Variants in SBF2 observed in about 807,000 individuals in gnomAD.
The protein encoded by SBF2 is SET binding factor 2, also known as myotubularin-related protein 13.
SBF2 carries 112 observed loss-of-function variants against 225.2 expected under a neutral mutation model. The ratio of observed to expected loss-of-function variants is 0.50; its 90% CI spans 0.43 to 0.58. The LOEUF is 0.58. Among genes scored for constraint, SBF2 ranks in the 20% least tolerant of loss-of-function variants. The probability of loss-of-function intolerance (pLI) is 0.00; values close to 1 mark genes in which losing one functional copy is unlikely to be tolerated. For missense variants in SBF2, 1,996 were observed against 2,206.2 expected, an observed-to-expected ratio of 0.90 and a Z score of 1.91; for synonymous variants, 763 against 773.3, an observed-to-expected ratio of 0.99 and a Z score of 0.22.
intron 29 of SBF2, among the ~76,000 whole-genome samples, chr11:9,813,746 A>G (rs560800204): frequency 1.3e-4 from 20 of 152,310 alleles, no homozygotes; most frequent in Admixed American, 3.3e-4. Flanking sequence ...GTTCAAGACC[A>G]GCCTGGCCAA....
intron 13 of SBF2, among the ~76,000 whole-genome samples, chr11:9,986,459 C>CA (rs966881912): frequency 9.3e-5 from 14 of 149,840 alleles, no homozygotes; most frequent in South Asian, 8.4e-4. Context: ...GAAATTGAAA[C>CA]AAAAAAAAAT....
intron 6 of SBF2, among the ~76,000 whole-genome samples, chr11:10,020,269 C>T (rs1948799900): frequency 6.6e-6 from 1 of 152,030 alleles, no homozygotes; most frequent in Admixed American, 6.6e-5. Context: ...TGCTATATGA[C>T]CTTCCTCTAG....
intron 5 of SBF2, among the ~76,000 whole-genome samples, chr11:10,028,830 A>G (rs894983533): frequency 6.6e-6 from 1 of 152,218 alleles, no homozygotes; most frequent in Non-Finnish European, 1.5e-5. Context: ...ATGAAATGTT[A>G]AAGTCAACAA....
intron 2 of SBF2, among the ~76,000 whole-genome samples, chr11:10,066,663 C>T (rs1422922171): frequency 6.6e-6 from 1 of 152,144 alleles, no homozygotes; most frequent in African/African-American, 2.4e-5. Context: ...CAGCTAACAT[C>T]ATACTTAATG....
intron 32 of SBF2, among the ~76,000 whole-genome samples, chr11:9,799,719 C>T (rs1853369204): frequency 6.6e-6 from 1 of 152,124 alleles, no homozygotes. Flanking sequence ...TCTTACGGTG[C>T]TTAGATTTCT....
At chr11:10,280,157 A>AGTTTCAGACTTCAGAGT (rs1555106826) in intron 1 of SBF2, among the ~76,000 whole-genome samples, 12 of 151,474 alleles carry the variant, frequency 7.9e-5, no homozygotes, top group Non-Finnish European at 1.5e-4. Context: ...GTGCTCAAAA[A>AGTTTCAGACTTCAGAGT]GTTTCAGATT....
intron 1 of SBF2, among the ~76,000 whole-genome samples, chr11:10,235,419 G>A (rs953852510): frequency 4.6e-5 from 7 of 151,734 alleles, no homozygotes; most frequent in African/African-American, 1.7e-4. Context: ...CCTAGCTACT[G>A]AAGAGGCTGA....
chr11:9,855,113 A>G (rs1160275779), intron 19 of SBF2, among the ~76,000 whole-genome samples: 1 of 152,236 alleles, frequency 6.6e-6, no homozygotes, highest in East Asian at 1.9e-4. Context: ...AAAGAAGAAT[A>G]AAAAATGAAA....
chr11:9,890,419 T>C (rs138235118), intron 17 of SBF2, among the ~76,000 whole-genome samples: 1 of 152,258 alleles, frequency 6.6e-6, no homozygotes, highest in East Asian at 1.9e-4. Context: ...AATTTTTAAA[T>C]GTTGAATGGA....
intron 16 of SBF2, among the ~76,000 whole-genome samples, chr11:9,937,414 T>A (rs1226905761): frequency 6.6e-6 from 1 of 152,118 alleles, no homozygotes; most frequent in East Asian, 1.9e-4. Flanking sequence ...GAAAAGCAAT[T>A]GAAAAATATT....
At chr11:9,865,376 C>T (rs77576674) in intron 17 of SBF2, among the ~76,000 whole-genome samples, 10,697 of 151,892 alleles carry the variant, frequency 0.07, 584 homozygotes, top group East Asian at 0.28. Context: ...GAGATAAGTA[C>T]CATTATTTCT....
chr11:10,131,267 C>T (rs762725852), intron 2 of SBF2, among the ~76,000 whole-genome samples: 1 of 151,780 alleles, frequency 6.6e-6, no homozygotes, highest in Non-Finnish European at 1.5e-5. Context: ...GCTCTGTTGC[C>T]CAGGCTGGAG....
chr11:9,857,931 G>A (rs1857436605), intron 18 of SBF2, among the ~76,000 whole-genome samples: 1 of 152,046 alleles, frequency 6.6e-6, no homozygotes, highest in African/African-American at 2.4e-5. Flanking sequence ...AGAGAAGTAT[G>A]CCTGTTATTT....
At chr11:10,035,331 T>C (rs1198481319) in intron 3 of SBF2, among the ~76,000 whole-genome samples, 2 of 152,006 alleles carry the variant, frequency 1.3e-5, no homozygotes, top group Non-Finnish European at 2.9e-5. Context: ...ACCTAGCCAA[T>C]ACCATTCAAG....
chr11:10,185,181 C>T (rs1311862703), intron 2 of SBF2, among the ~76,000 whole-genome samples: 1 of 152,058 alleles, frequency 6.6e-6, no homozygotes. Flanking sequence ...TATGGACATT[C>T]AGGTTGCTTC....
At chr11:9,840,454 GA>G (rs923099043) in intron 25 of SBF2, among the ~76,000 whole-genome samples, 4 of 152,048 alleles carry the variant, frequency 2.6e-5, no homozygotes, top group African/African-American at 7.2e-5. Flanking sequence ...AAAATGTCAG[GA>G]AAATAATACC....
At chr11:10,113,260 C>T (rs1414762341) in intron 2 of SBF2, among the ~76,000 whole-genome samples, 1 of 152,208 alleles carries the variant, frequency 6.6e-6, no homozygotes, top group Non-Finnish European at 1.5e-5. Context: ...TCCCAAAGTG[C>T]TGGGATTACA....
intron 2 of SBF2, among the ~76,000 whole-genome samples, chr11:10,088,881 CTT>C (rs1951676491): frequency 6.6e-6 from 1 of 152,138 alleles, no homozygotes; most frequent in Non-Finnish European, 1.5e-5. Flanking sequence ...AGGATTTTAT[CTT>C]TCTCATTGTA....
chr11:10,002,064 C>A (rs1947989764), intron 7 of SBF2, among the ~76,000 whole-genome samples: 1 of 152,144 alleles, frequency 6.6e-6, no homozygotes, highest in South Asian at 2.1e-4. Flanking sequence ...CGAAGCCCTG[C>A]AGTAATTGTC....
Sources: gnomAD v4.1 joint callset for allele counts (sites outside exome capture counted in the v4.1 genomes callset) on GRCh38, gnomAD v4.1.1 for gene constraint, MANE v1.5 for transcripts, NCBI Gene and HGNC (gene_info 2026-07-23, HGNC 2026-07-21) for gene names.